KDM1A: variants seen among roughly 807,000 people sequenced by gnomAD.
The protein encoded by KDM1A is lysine demethylase 1A.
A neutral mutation model predicts 109.4 loss-of-function variants in KDM1A; 49 were observed. The observed-to-expected ratio is 0.45, with a 90% CI of 0.36 to 0.57. The LOEUF (loss-of-function observed/expected upper bound fraction) is 0.57, where lower values mean the gene tolerates loss of function less well. Ranked by LOEUF, KDM1A falls within the 20% of genes least tolerant of loss-of-function variation. The probability of loss-of-function intolerance (pLI) is 0.00; values close to 1 mark genes in which losing one functional copy is unlikely to be tolerated. For synonymous variants in KDM1A, 380 were observed against 415.4 expected, an observed-to-expected ratio of 0.91 and a Z score of 1.04; for missense variants, 668 against 1,116.6, an observed-to-expected ratio of 0.60 and a Z score of 5.73.
intron 12 of KDM1A, among the ~76,000 whole-genome samples, chr1:23,070,850 G>A (rs1213668893): frequency 6.6e-6 from 1 of 151,520 alleles, no homozygotes; most frequent in Admixed American, 6.6e-5. Context: ...ATTTGTTTCC[G>A]AAAATAAGTT....
intron 19 of KDM1A, chr1:23,081,886 G>A (rs772776213): frequency 4.7e-6 from 2 of 421,850 alleles, no homozygotes; most frequent in Admixed American, 7.8e-5. Context: ...AGAACCTCTT[G>A]GTACTTTTTC....
At position 23,019,837 on chromosome 1, in the gene KDM1A, G is replaced by T; in HGVS notation, c.241G>T (p.Ala81Ser). The change falls in exon 1 of 21, where the codon GCA becomes TCA. Residue 81 changes from alanine to serine, a missense_variant. Ala to Ser is a moderately conservative substitution (Grantham distance 99, BLOSUM62 1). Transcript: ENST00000400181. ...PGGLAEPPGSAGPQAGPTVVP... is the reference protein window; with the variant it reads ...PGGLAEPPGSSGPQAGPTVVP... ...GGGCCTGGCGGAACCGCCGGGGTCC[G>T]CAGGGCCTCAGGCCGGCCCTACTGT... 2 of 1,453,592 alleles carry T rather than the reference G, an allele frequency of 1.4e-6. No individual in the cohort carries two copies. Among genetic ancestry groups the T allele is most frequent in the Non-Finnish European group, 1.8e-6 (2 of 1,105,738 alleles). 90.0% of individuals were successfully genotyped at this position (1,453,592 alleles called of 1,614,324 possible). A position where few individuals can be genotyped will look rare whatever the true frequency, so the allele number is the denominator to read the frequency against.
At chr1:23,069,194 G>A (rs368553959) in intron 12 of KDM1A, 43 bp downstream of exon 12, 2 of 1,254,590 alleles carry the variant, frequency 1.6e-6, no homozygotes, top group Non-Finnish European at 2.3e-6. Flanking sequence ...AGCTTTAATA[G>A]GAGAAAAAGT....
At chr1:23,056,443 GT>G (rs946053651) in intron 7 of KDM1A, among the ~76,000 whole-genome samples, 82 of 151,930 alleles carry the variant, frequency 5.4e-4, no homozygotes, top group Non-Finnish European at 1.0e-3. Context: ...CAAGATACTG[GT>G]TTTTTTCCTG....
Position 23,073,312 on chromosome 1 carries a change from GAGAC to G in KDM1A, c.1649_1652del (p.Arg550LysfsTer39). 6.2e-7 allele frequency: 1 copy of G among 1,600,488 alleles called. No homozygotes were observed. The highest frequency in any genetic ancestry group is 8.6e-7 in the Non-Finnish European group (1 of 1,168,400). ...TGCAGTGATGTATATCTCTCATCAA[GAGAC>G]AGACAAATACTTGATTGGCATTTTG... On this transcript the variant is annotated frameshift_variant, in exon 15 of 21. Coordinates refer to ENST00000400181, the MANE Select transcript of KDM1A (RefSeq NM_001009999.3). LOFTEE classifies it high-confidence loss of function.
chr1:23,082,910 G>A (rs187511664), intron 20 of KDM1A: 36 of 295,992 alleles, frequency 1.2e-4, no homozygotes, highest in Admixed American at 9.7e-4. Flanking sequence ...AGGGAAGGAC[G>A]CTTTACAACT....
intron 3 of KDM1A, among the ~76,000 whole-genome samples, chr1:23,046,631 C>T (rs545093392): frequency 4.6e-5 from 7 of 152,286 alleles, no homozygotes; most frequent in South Asian, 2.1e-4. Flanking sequence ...CTGCCTCTCC[C>T]GCTTTTTCTA....
chr1:23,077,466 C>A, intron 16 of KDM1A, 106 bp downstream of exon 16: 1 of 1,191,518 alleles, frequency 8.4e-7, no homozygotes, highest in Non-Finnish European at 1.1e-6. Context: ...GTGTTTATGA[C>A]ACCATAGGTA....
chr1:23,032,151 G>A (rs977228990), intron 2 of KDM1A, among the ~76,000 whole-genome samples: 8 of 152,054 alleles, frequency 5.3e-5, no homozygotes, highest in African/African-American at 1.9e-4. Context: ...TTTAATGTCT[G>A]CGGTGGCTCA....
At chr1:23,059,262 C>CCTCT in intron 9 of KDM1A, 95 bp downstream of exon 9, 18 of 828,468 alleles carry the variant, frequency 2.2e-5, no homozygotes, top group Non-Finnish European at 3.3e-5. Context: ...CATATATACA[C>CCTCT]ATATAGAGGT....
chr1:23,060,461 T>C (rs910462358), intron 9 of KDM1A, among the ~76,000 whole-genome samples: 12 of 152,102 alleles, frequency 7.9e-5, no homozygotes, highest in African/African-American at 2.4e-4. Context: ...TCCATAAATA[T>C]ATTAATACCA....
chr1:23,043,935 A>T (rs1241042773), intron 2 of KDM1A, among the ~76,000 whole-genome samples: 52 of 152,334 alleles, frequency 3.4e-4, no homozygotes, highest in Non-Finnish European at 1.5e-5. Context: ...TAGTAAATGA[A>T]ACTTCTTTGG....
chr1:23,020,159 C>T (rs950325615), intron 1 of KDM1A: 1 of 459,504 alleles, frequency 2.2e-6, no homozygotes, highest in East Asian at 3.6e-5. Flanking sequence ...TGTGCTGGGT[C>T]CCGAGCGACG....
intron 2 of KDM1A, among the ~76,000 whole-genome samples, chr1:23,033,319 C>G (rs370934481): frequency 6.6e-6 from 1 of 152,110 alleles, no homozygotes. Flanking sequence ...GTCAGGAGTT[C>G]GAGACCAGCA....
intron 8 of KDM1A, chr1:23,057,997 T>G (rs1298412690): frequency 6.5e-6 from 1 of 154,236 alleles, no homozygotes; most frequent in African/African-American, 2.4e-5. Flanking sequence ...CAGGATGGTC[T>G]CGATCTCCTG....
Position 23,082,085 on chromosome 1 carries a change from C to T in KDM1A, c.2299-135C>T. On this transcript the variant is annotated intron_variant, in intron 19 of 20. Transcript: ENST00000400181. Reference sequence around the variant, plus strand: ...TGTGTTTTAAAGCAGGCATTCATCACTTGATCACTGGCTCTCACATGTTGC... The same window carrying T: ...TGTGTTTTAAAGCAGGCATTCATCATTTGATCACTGGCTCTCACATGTTGC... 3.4e-6 allele frequency: 3 copies of T among 875,274 alleles called. 1 individual carries two copies. The highest frequency in any genetic ancestry group is 3.5e-5 in the South Asian group (2 of 56,512). 54.2% of individuals were successfully genotyped at this position (875,274 alleles called of 1,614,324 possible).
At chr1:23,048,136 T>A (rs2143156) in intron 3 of KDM1A, among the ~76,000 whole-genome samples, 3 of 151,934 alleles carry the variant, frequency 2.0e-5, no homozygotes, top group Admixed American at 6.5e-5. Context: ...TAGTATATAC[T>A]TATGAATTAT....
At position 23,019,751 on chromosome 1, in the gene KDM1A, C is replaced by T; in HGVS notation, c.155C>T (p.Pro52Leu). 2.2e-6 allele frequency: 3 copies of T among 1,343,136 alleles called. No homozygotes were observed. Among genetic ancestry groups the T allele is most frequent in the East Asian group, 3.1e-5 (1 of 32,038 alleles). The allele number at this position is 1,343,136 out of a possible 1,614,324, so 83.2% of individuals were successfully genotyped here. A position where few individuals can be genotyped will look rare whatever the true frequency, so the allele number is the denominator to read the frequency against. ...CTGTCGGGCCCAGCCGAGGTCGGGC[C>T]GGGGGCGGTGGGGGAGCGCACACCC... ...AGLSGPAEVG[P>L]GAVGERTPRK... The change falls in exon 1 of 21, where the codon CCG becomes CTG. Residue 52 changes from proline to leucine, a missense_variant. By Grantham distance (98) the Pro-to-Leu change is moderately conservative (BLOSUM62 -3). This residue lies in a region of KDM1A where 156 missense variants were observed against 163.4 expected (regional missense o/e 0.95). Coordinates refer to ENST00000400181, the MANE Select transcript of KDM1A (RefSeq NM_001009999.3).
chr1:23,020,062 C>T (rs1052994610), intron 1 of KDM1A, 115 bp downstream of exon 1: 16 of 1,125,628 alleles, frequency 1.4e-5, no homozygotes, highest in Non-Finnish European at 1.9e-5. Flanking sequence ...CAGACCTCCC[C>T]TTGTATCGCT....
Sources: allele counts gnomAD v4.1 joint callset (sites outside exome capture counted in the v4.1 genomes callset), GRCh38; gene constraint gnomAD v4.1.1; regional missense constraint gnomAD v4.1.1; transcripts MANE v1.5; gene names NCBI Gene and HGNC (gene_info 2026-07-23, HGNC 2026-07-21).